The following WFDC2 variants were observed in gnomAD, a reference collection of about 807,000 sequenced individuals.
WFDC2 encodes the protein WAP four-disulfide core domain 2.
Under a neutral mutation model 12.5 loss-of-function variants are expected in WFDC2, and 8 were observed. The observed-to-expected ratio is 0.64, with a 90% CI of 0.37 to 1.15. The LOEUF (loss-of-function observed/expected upper bound fraction) is 1.15. Among genes scored for constraint, WFDC2 ranks in the 50% most tolerant of loss-of-function variants. WFDC2 has a pLI of 0.01. For missense variants in WFDC2, 166 were observed against 159.9 expected (o/e 1.04, Z -0.21); for synonymous variants, 74 against 67.2 (o/e 1.10, Z -0.49).
In WFDC2 at chr20:45,470,748, C is replaced by A. The variant is rs1192579300; in HGVS notation, c.223+216C>A. Among the ~76,000 whole-genome samples the A allele has an allele frequency of 3.3e-5, 5 of 152,176 alleles. No individual in the cohort carries two copies. Among genetic ancestry groups the A allele is most frequent in the Non-Finnish European group, 7.4e-5 (5 of 68,002 alleles). On this transcript the variant is annotated intron_variant, in intron 2 of 3. Coordinates refer to ENST00000372676, the MANE Select transcript of WFDC2 (RefSeq NM_006103.4). This position sits in a 1 kb window ranked among gnomAD's most constrained non-coding sequence, Gnocchi z 5.4. ...CGCAGCCAAGGGGGGGTCCCCACCC[C>A]TAGCTGGGATTCGAGTCTCTGGTGC...
rs1476729788 is a variant in WFDC2 at position 45,480,011 on chromosome 20, A to G, written c.293A>G (p.Gln98Arg). Residue 98 changes from glutamine to arginine, a missense_variant, in exon 3 of 4, where the codon CAG (glutamine) becomes CGG (arginine). Coordinates refer to ENST00000372676, the MANE Select transcript of WFDC2 (RefSeq NM_006103.4). ...CTCGGCCTCTGTCGGGACCAGTGCC[A>G]GGTGGACAGCCAGTGTCCTGGCCAG... ...PQLGLCRDQC[Q>R]VDSQCPGQMK... is the part of the protein sequence containing the mutation. 4 of 1,614,108 alleles carry G rather than the reference A, an allele frequency of 2.5e-6. No individual in the cohort carries two copies. The highest frequency in any genetic ancestry group is 8.5e-7 in the Non-Finnish European group (1 of 1,180,024).
intron 2 of WFDC2, among the ~76,000 whole-genome samples, chr20:45,475,572 T>C (rs767553214): frequency 7.2e-5 from 11 of 152,222 alleles, no homozygotes; most frequent in Non-Finnish European, 1.5e-4. Context: ...CTTTTGCATT[T>C]GCTAATTAGT....
At chr20:45,471,197 G>C (rs959995807) in intron 2 of WFDC2, 1 of 471,028 alleles carries the variant, frequency 2.1e-6, no homozygotes, top group Non-Finnish European at 4.4e-6. Flanking sequence ...ATCCTCCCTG[G>C]ACACTGTATC....
Position 45,479,913 on chromosome 20 carries a change from C to T in WFDC2, c.224-29C>T, listed in dbSNP as rs528519782. On this transcript the variant is annotated intron_variant, in intron 2 of 3. Transcript: ENST00000372676. ...TTAATCTCCCTGTATCGCCTCTGCCCACTTACCCTTACTCCTTTTTCTACC... is the reference window on the plus strand; with the variant it reads ...TTAATCTCCCTGTATCGCCTCTGCCTACTTACCCTTACTCCTTTTTCTACC... 41 of 1,614,238 alleles carry T rather than the reference C, an allele frequency of 2.5e-5. No homozygotes were observed. The South Asian group carries it at 4.3e-4, about 17-fold the overall frequency.
At chr20:45,476,996 C>T (rs6065819) in intron 2 of WFDC2, among the ~76,000 whole-genome samples, 3 of 151,408 alleles carry the variant, frequency 2.0e-5, no homozygotes, top group Non-Finnish European at 2.9e-5. Context: ...GGCTTCATGA[C>T]GTTCTCGTGC....
intron 2 of WFDC2, 36 bp from the exon 3 acceptor site, chr20:45,479,906 C>T: frequency 1.2e-6 from 2 of 1,614,104 alleles, no homozygotes; most frequent in South Asian, 2.2e-5. Flanking sequence ...CCTGTATCGC[C>T]TCTGCCCACT....
At chr20:45,473,710 T>A (rs1447242698) in intron 2 of WFDC2, among the ~76,000 whole-genome samples, 1 of 152,006 alleles carries the variant, frequency 6.6e-6, no homozygotes, top group Non-Finnish European at 1.5e-5. Flanking sequence ...TTTTTTCTAA[T>A]TCTGTGAAGA....
chr20:45,471,366 A>G (rs1048244257), intron 2 of WFDC2: 28 of 336,884 alleles, frequency 8.3e-5, no homozygotes, highest in Non-Finnish European at 6.0e-6. Context: ...TCCGTTCTCC[A>G]GAGGAAAATG....
chr20:45,474,177 T>C (rs1228869075), intron 2 of WFDC2, among the ~76,000 whole-genome samples: 1 of 152,198 alleles, frequency 6.6e-6, no homozygotes, highest in East Asian at 1.9e-4. Context: ...TATTTCTTTC[T>C]CTTGACTGAT....
At chr20:45,473,485 G>A (rs6032218) in intron 2 of WFDC2, among the ~76,000 whole-genome samples, 49,893 of 152,028 alleles carry the variant, frequency 0.33, 9,747 homozygotes, top group East Asian at 0.62. Flanking sequence ...CAAAGATCAG[G>A]TGGCTGTAGA....
rs1048091581 is a variant in WFDC2, at chr20:45,470,935, C to A, written c.223+403C>A. Among the ~76,000 whole-genome samples the A allele has an allele frequency of 6.6e-6, 1 of 152,208 alleles. No homozygotes were observed. The highest frequency in any genetic ancestry group is 1.5e-5 in the Non-Finnish European group (1 of 68,020). On this transcript the variant is annotated intron_variant, in intron 2 of 3. Coordinates refer to ENST00000372676, the MANE Select transcript of WFDC2 (RefSeq NM_006103.4). This position sits in a 1 kb window ranked among gnomAD's most constrained non-coding sequence, Gnocchi z 5.4. ...TTGGAGTCCCTCCCTGGGGGCCTCC[C>A]CCAGCCCTGGGGAAAGACTGGGAGA...
Position 45,480,101 on chromosome 20 carries a change from G to A in WFDC2, c.*1+7G>A, listed in dbSNP as rs1454076674. On this transcript the variant is annotated splice_region_variant and intron_variant, in intron 3 of 3. Coordinates refer to ENST00000372676, the MANE Select transcript of WFDC2 (RefSeq NM_006103.4). ...GTCACTCCCAATTTCTGAGGTAAGTGAACGGGAAAGAGAAAGTGCATTGAT... is the reference window on the plus strand; with the variant it reads ...GTCACTCCCAATTTCTGAGGTAAGTAAACGGGAAAGAGAAAGTGCATTGAT... The A allele has an allele frequency of 6.2e-7, 1 of 1,613,210 alleles. No homozygotes were observed. Among genetic ancestry groups the A allele is most frequent in the Admixed American group, 1.7e-5 (1 of 60,012 alleles).
rs778904766 is a variant in WFDC2, at chr20:45,470,462, G to A, written c.153G>A (p.Ser51=). 6.3e-6 allele frequency: 10 copies of A among 1,595,444 alleles called. No individual in the cohort carries two copies. The highest frequency in any genetic ancestry group is 8.5e-6 in the Non-Finnish European group (10 of 1,170,406). ...AGAACTGCACGCAAGAGTGCGTCTC[G>A]GACAGCGAATGCGCCGACAACCTCA... The part of the protein sequence containing the change: ...ADQNCTQECV[S]DSECADNLKC... The change falls in exon 2 of 4, where the codon TCG becomes TCA. Residue 51 remains serine (S), a synonymous_variant. Transcript: ENST00000372676. The surrounding 1 kb of genome is among the most constrained non-coding windows in gnomAD (Gnocchi z 5.4).
Position 45,470,559 on chromosome 20 carries a change from CG to C in WFDC2, c.223+31del. ...TAACCCCACGGCGGCCGAGCGGGAA[CG>C]GGGCGGGGCCGCGCTGGGCTGGGAG... On this transcript the variant is annotated intron_variant, in intron 2 of 3. Coordinates refer to ENST00000372676, the MANE Select transcript of WFDC2 (RefSeq NM_006103.4). The surrounding 1 kb of genome is among the most constrained non-coding windows in gnomAD (Gnocchi z 5.4). 6.4e-7 allele frequency: 1 copy of C among 1,563,614 alleles called. No homozygotes were observed. Among genetic ancestry groups the C allele is most frequent in the Non-Finnish European group, 8.7e-7 (1 of 1,151,156 alleles).
At chr20:45,471,498 G>A (rs1991171741) in intron 2 of WFDC2, 1 of 176,930 alleles carries the variant, frequency 5.7e-6, no homozygotes, top group African/African-American at 2.4e-5. Flanking sequence ...TGCCAGCACA[G>A]GCTGGGAAGG....
chr20:45,476,862 G>A (rs1468138853), intron 2 of WFDC2, among the ~76,000 whole-genome samples: 1 of 151,900 alleles, frequency 6.6e-6, no homozygotes, highest in African/African-American at 2.4e-5. Context: ...TGGAGGCTTT[G>A]TTCATTCATT....
At chr20:45,480,904 T>C (rs1991294013) in intron 3 of WFDC2, among the ~76,000 whole-genome samples, 1 of 152,124 alleles carries the variant, frequency 6.6e-6, no homozygotes, top group Admixed American at 6.6e-5. Flanking sequence ...TTGGTTCAAA[T>C]GTTAGCTCTG....
chr20:45,479,161 AGT>A (rs1436807157), intron 2 of WFDC2, among the ~76,000 whole-genome samples: 1 of 152,052 alleles, frequency 6.6e-6, no homozygotes, highest in African/African-American at 2.4e-5. Context: ...TGGATGAATG[AGT>A]GTATTTGGAG....
At chr20:45,472,409 G>T (rs1027315985) in intron 2 of WFDC2, among the ~76,000 whole-genome samples, 62 of 152,130 alleles carry the variant, frequency 4.1e-4, no homozygotes, top group Non-Finnish European at 1.5e-4. Flanking sequence ...GAGAATGATG[G>T]TTTCCAGCTT....
Sources: allele counts gnomAD v4.1 joint callset (sites outside exome capture counted in the v4.1 genomes callset), GRCh38; gene constraint gnomAD v4.1.1; non-coding constraint Gnocchi (gnomAD v3.1); transcripts MANE v1.5; gene names NCBI Gene and HGNC (gene_info 2026-07-23, HGNC 2026-07-21).